The following BSCL2 variants were observed in gnomAD, a reference collection of about 807,000 sequenced individuals.
BSCL2 encodes BSCL2 lipid droplet biogenesis associated, seipin, also known as seipin.
In BSCL2, 41 loss-of-function variants were observed where a neutral mutation model predicts 57.4. That is an observed-to-expected ratio of 0.71 (90% CI 0.56 to 0.93). The LOEUF (loss-of-function observed/expected upper bound fraction) is 0.93, where lower values mean the gene tolerates loss of function less well. Among genes scored for constraint, BSCL2 ranks in the 40% least tolerant of loss-of-function variants. The pLI, the probability that BSCL2 is intolerant of heterozygous loss-of-function variation, is 0.00. For missense variants in BSCL2, 539 were observed against 586.7 expected, an observed-to-expected ratio of 0.92 and a Z score of 0.84; for synonymous variants, 237 against 227.3, an observed-to-expected ratio of 1.04 and a Z score of -0.38.
At position 62,705,436 on chromosome 11, in the gene BSCL2, C is replaced by T; in HGVS notation, c.269G>A (p.Arg90Lys). Residue 90 changes from arginine to lysine, a missense_variant, in exon 2 of 11, where the codon AGG becomes AAG. By Grantham distance (26) the Arg-to-Lys change is conservative. This residue lies in a region of BSCL2 where 218 missense variants were observed against 224.8 expected (regional missense o/e 0.97). Transcript: ENST00000360796. Reference sequence around the variant, plus strand: ...GAGCACCCCAAACTGCAGCAGCAGCCTGCGGGCACGGCCTGCCAAGACTTG... The same window carrying T: ...GAGCACCCCAAACTGCAGCAGCAGCTTGCGGGCACGGCCTGCCAAGACTTG... The part of the protein sequence containing the change: ...VGQVLAGRAR[R>K]LLLQFGVLFC... 1 of 1,614,236 alleles carries T rather than the reference C, an allele frequency of 6.2e-7. No individual in the cohort carries two copies. The highest frequency in any genetic ancestry group is 8.5e-7 in the Non-Finnish European group (1 of 1,180,046).
At position 62,691,099 on chromosome 11, in the gene BSCL2, G is replaced by C. The variant is rs763070770; in HGVS notation, c.1048C>G (p.Arg350Gly). The change falls in exon 8 of 11, where the codon CGA (arginine) becomes GGA (glycine). Residue 350 changes from arginine (R) to glycine (G), a missense_variant. Arg to Gly is a moderately radical substitution (Grantham distance 125). Around this residue, in one of 3 missense-constraint regions of BSCL2, gnomAD observed 248 missense variants for 239.9 expected, o/e 1.03. Transcript: ENST00000360796. ...CCTGGCTGATGAGCAGAGATCCTTCGTTGGACTTCCTTCCGGGAATTGTCT... is the reference window on the plus strand; with the variant it reads ...CCTGGCTGATGAGCAGAGATCCTTCCTTGGACTTCCTTCCGGGAATTGTCT... The part of the protein sequence containing the change: ...KRDNSRKEVQ[R>G]RISAHQPGPE... 1 of 1,614,224 alleles carries C rather than the reference G, an allele frequency of 6.2e-7. No homozygotes were observed. The highest frequency in any genetic ancestry group is 8.5e-7 in the Non-Finnish European group (1 of 1,180,042).
At chr11:62,700,084 T>TAAAAAAAAAA (rs34412546) in intron 3 of BSCL2, among the ~76,000 whole-genome samples, 1 of 80,228 alleles carries the variant, frequency 1.2e-5, no homozygotes, top group Admixed American at 1.6e-4. Flanking sequence ...TACTAAAAAT[T>TAAAAAAAAAA]AAAAAAAAAA....
chr11:62,707,382 G>A lies in BSCL2; in HGVS notation c.-187C>T, dbSNP rs1362436918. 2.8e-6 allele frequency: 2 copies of A among 712,854 alleles called. No individual in the cohort carries two copies. The highest frequency in any genetic ancestry group is 2.7e-5 in the East Asian group (1 of 37,316). 44.2% of individuals were successfully genotyped at this position (712,854 alleles called of 1,614,324 possible). ...GCTGTGTCAGAGTAGAGGGAGGAAAGGAGGAGGGGGGCGACTGCCCAGCTG... is the reference window on the plus strand; with the variant it reads ...GCTGTGTCAGAGTAGAGGGAGGAAAAGAGGAGGGGGGCGACTGCCCAGCTG... On this transcript the variant is annotated 5_prime_UTR_variant, in exon 1 of 11. Transcript: ENST00000360796.
chr11:62,691,013 CCTT>C (rs1945294853), intron 8 of BSCL2, 59 bp downstream of exon 8: 6 of 1,595,460 alleles, frequency 3.8e-6, no homozygotes, highest in African/African-American at 1.3e-5. Flanking sequence ...AGCAGGGACT[CCTT>C]CTGGCCCAGC....
At chr11:62,702,340 A>C (rs1372645495) in intron 3 of BSCL2, 128 bp downstream of exon 3, 1 of 816,356 alleles carries the variant, frequency 1.2e-6, no homozygotes, top group Non-Finnish European at 2.0e-6. Context: ...TACTGGGATT[A>C]CAGGCGTGAG....
chr11:62,690,535 G>A lies in BSCL2; in HGVS notation c.1235-14C>T. ...AGGAGCCTGAACCTGGGCCAGGAAA[G>A]GGAAAAACAAAATCTCAAATGGGAT... is the stretch of plus-strand genomic sequence containing the variant. On this transcript the variant is annotated splice_polypyrimidine_tract_variant and intron_variant, in intron 10 of 10. Transcript: ENST00000360796. 6.2e-7 allele frequency: 1 copy of A among 1,614,148 alleles called. No individual in the cohort carries two copies. Among genetic ancestry groups the A allele is most frequent in the South Asian group, 1.1e-5 (1 of 91,080 alleles).
intron 2 of BSCL2, among the ~76,000 whole-genome samples, chr11:62,703,751 G>T (rs1425984620): frequency 6.6e-6 from 1 of 151,890 alleles, no homozygotes. Context: ...GGACTTAAGG[G>T]AAAAAATGAC....
chr11:62,708,404 A>T, upstream of BSCL2: 1 of 1,593,618 alleles, frequency 6.3e-7, no homozygotes, highest in Non-Finnish European at 8.6e-7. Flanking sequence ...GGTAGGTGGG[A>T]CCCTGGCTGG....
intron 4 of BSCL2, among the ~76,000 whole-genome samples, chr11:62,694,308 A>G (rs544326129): frequency 3.7e-4 from 52 of 139,498 alleles, no homozygotes; most frequent in Admixed American, 1.3e-3. Context: ...GGTTTAAGCG[A>G]TCCTCCCACC....
At chr11:62,709,163 G>A (rs1394964960), upstream of BSCL2, 1 of 467,964 alleles carries the variant, frequency 2.1e-6, no homozygotes, top group Admixed American at 2.3e-5. Flanking sequence ...CTACTGGGAG[G>A]GTAAAGCCAT....
chr11:62,697,372 G>A (rs1177661222), intron 3 of BSCL2: 4 of 130,536 alleles, frequency 3.1e-5, no homozygotes, highest in Admixed American at 1.6e-4. Context: ...TCCAGCCTGG[G>A]CAACTCCGTC....
In BSCL2 at chr11:62,700,513, C is replaced by G. The variant is rs1048974892; in HGVS notation, c.486+1955G>C. ...AAAATCAGCTAGGTATGGTGGCATACGCCTGTAACCCCAGCTACTTGGGAG... is the reference window on the plus strand; with the variant it reads ...AAAATCAGCTAGGTATGGTGGCATAGGCCTGTAACCCCAGCTACTTGGGAG... On this transcript the variant is annotated intron_variant, in intron 3 of 10. Coordinates refer to ENST00000360796, the MANE Select transcript of BSCL2 (RefSeq NM_001122955.4). Among the ~76,000 whole-genome samples, 44 of 152,014 alleles carry G rather than the reference C, an allele frequency of 2.9e-4. 1 individual carries two copies. Among genetic ancestry groups the G allele is most frequent in the Non-Finnish European group, 4.4e-5 (3 of 68,006 alleles).
chr11:62,693,411 G>A (rs1026721017), intron 4 of BSCL2, among the ~76,000 whole-genome samples: 2 of 152,126 alleles, frequency 1.3e-5, no homozygotes, highest in African/African-American at 2.4e-5. Flanking sequence ...GGCTGAGGCA[G>A]GAGAATCGCT....
At chr11:62,708,090 G>A (rs2083573161), upstream of BSCL2, 1 of 597,840 alleles carries the variant, frequency 1.7e-6, no homozygotes, top group Non-Finnish European at 3.0e-6. Flanking sequence ...CAGGCCATGA[G>A]GGAGTTTGGG....
At chr11:62,706,519 C>G in intron 1 of BSCL2, 1 of 431,864 alleles carries the variant, frequency 2.3e-6, no homozygotes, top group East Asian at 7.1e-5. Flanking sequence ...CGCCTGCCTC[C>G]CTGCAGGCCC....
At chr11:62,694,003 G>A (rs569297580) in intron 4 of BSCL2, among the ~76,000 whole-genome samples, 3 of 151,440 alleles carry the variant, frequency 2.0e-5, no homozygotes, top group Non-Finnish European at 4.4e-5. Context: ...TAGTAGAGAC[G>A]GGATTTCTCC....
At position 62,707,269 on chromosome 11, in the gene BSCL2, AGACGCTGAT is replaced by A; in HGVS notation, c.-83_-75del. 8.0e-7 allele frequency: 1 copy of A among 1,249,410 alleles called. No homozygotes were observed. Among genetic ancestry groups the A allele is most frequent in the Non-Finnish European group, 1.1e-6 (1 of 871,618 alleles). The allele number at this position is 1,249,410 out of a possible 1,614,324, so 77.4% of individuals were successfully genotyped here. On this transcript the variant is annotated 5_prime_UTR_variant, in exon 1 of 11. Transcript: ENST00000360796. ...TGGCTAAAACGTGAAGTGGCGATCC[AGACGCTGAT>A]ACCTGTGGCGCATCACATTTTCCTG...
intron 3 of BSCL2, among the ~76,000 whole-genome samples, chr11:62,700,969 C>T (rs560418786): frequency 3.3e-5 from 5 of 150,952 alleles, no homozygotes; most frequent in Admixed American, 1.3e-4. Flanking sequence ...AAAAAAAGAA[C>T]GTATCCTTTA....
At chr11:62,694,468 C>T in intron 4 of BSCL2, 100 bp downstream of exon 4, 5 of 1,570,480 alleles carry the variant, frequency 3.2e-6, no homozygotes, top group Non-Finnish European at 4.4e-6. Context: ...GCCTCCCAAA[C>T]TGCTGGGATT....
Sources: gnomAD v4.1 joint callset for allele counts (sites outside exome capture counted in the v4.1 genomes callset) on GRCh38, gnomAD v4.1.1 for gene constraint, gnomAD v4.1.1 regional missense constraint, MANE v1.5 for transcripts, NCBI Gene and HGNC (gene_info 2026-07-23, HGNC 2026-07-21) for gene names.